PCDHA10: variants seen among roughly 807,000 people sequenced by gnomAD.
PCDHA10 encodes protocadherin alpha-10.
In PCDHA10, 45 loss-of-function variants were observed where a neutral mutation model predicts 61.2. The observed-to-expected ratio is 0.74, with a 90% confidence interval of 0.58 to 0.94. The LOEUF (loss-of-function observed/expected upper bound fraction) is 0.94, where lower values mean the gene tolerates loss of function less well. Ranked by LOEUF, PCDHA10 falls within the 40% of genes least tolerant of loss-of-function variation. The probability of loss-of-function intolerance (pLI) is 0.00; values close to 1 mark genes in which losing one functional copy is unlikely to be tolerated. For missense variants in PCDHA10, 1,278 were observed against 1,236.2 expected, an observed-to-expected ratio of 1.03 and a Z score of -0.51; for synonymous variants, 602 against 548.8, an observed-to-expected ratio of 1.10 and a Z score of -1.35.
intron 1 of PCDHA10, among the ~76,000 whole-genome samples, chr5:140,920,983 T>C (rs1472212249): frequency 6.6e-6 from 1 of 152,106 alleles, no homozygotes; most frequent in Non-Finnish European, 1.5e-5. Context: ...AATATTGTAT[T>C]TGCTTATTTT....
In PCDHA10 at chr5:141,009,947, A is replaced by G; in HGVS notation, c.*10A>G. On this transcript the variant is annotated 3_prime_UTR_variant, in exon 4 of 4. Coordinates refer to ENST00000307360, the MANE Select transcript of PCDHA10 (RefSeq NM_018901.4). ...CAACAGTGACCAGTGAGGTCCTCAAATGGAAACAAGCCACTTAGCCAGTTT... is the reference window on the plus strand; with the variant it reads ...CAACAGTGACCAGTGAGGTCCTCAAGTGGAAACAAGCCACTTAGCCAGTTT... The G allele has an allele frequency of 1.9e-6, 3 of 1,596,272 alleles. No individual in the cohort carries two copies. The South Asian group carries it at 3.4e-5, about 18-fold the overall frequency.
chr5:140,980,504 C>G (rs1440940887), intron 2 of PCDHA10, among the ~76,000 whole-genome samples: 4 of 152,122 alleles, frequency 2.6e-5, no homozygotes, highest in Non-Finnish European at 5.9e-5. Flanking sequence ...ATGGCATGTG[C>G]CTGTAGTTCC....
chr5:140,915,324 T>G (rs782080439), intron 1 of PCDHA10, among the ~76,000 whole-genome samples: 1 of 152,210 alleles, frequency 6.6e-6, no homozygotes, highest in Non-Finnish European at 1.5e-5. Flanking sequence ...ATTACAGTGT[T>G]ATAATATTCT....
intron 1 of PCDHA10, chr5:140,875,402 C>A: frequency 6.7e-7 from 1 of 1,488,874 alleles, no homozygotes; most frequent in Admixed American, 2.6e-5. Flanking sequence ...AGGGTGACTG[C>A]TCATAAAATA....
chr5:140,911,953 G>T (rs1554195050), intron 1 of PCDHA10, among the ~76,000 whole-genome samples: 1 of 152,094 alleles, frequency 6.6e-6, no homozygotes, highest in Non-Finnish European at 1.5e-5. Context: ...TAAAGGGGAG[G>T]TTACTAAGGA....
intron 1 of PCDHA10, among the ~76,000 whole-genome samples, chr5:140,909,217 C>T (rs2074379679): frequency 6.6e-6 from 1 of 152,106 alleles, no homozygotes; most frequent in Non-Finnish European, 1.5e-5. Context: ...GTTGATATAC[C>T]CCTGAGGTAG....
At chr5:140,952,389 ACT>A (rs2094739055) in intron 1 of PCDHA10, among the ~76,000 whole-genome samples, 2 of 151,722 alleles carry the variant, frequency 1.3e-5, no homozygotes, top group African/African-American at 4.8e-5. Flanking sequence ...GGTACCCTAA[ACT>A]CATCATTCTC....
intron 1 of PCDHA10, among the ~76,000 whole-genome samples, chr5:140,881,717 G>A (rs374516377): frequency 2.6e-5 from 4 of 152,160 alleles, no homozygotes; most frequent in African/African-American, 9.7e-5. Flanking sequence ...GTGTGAGGAG[G>A]TCTTGAAAAA....
chr5:140,941,255 C>CTTTCTTTCTTTCTTTCTTTCTT (rs782490896), intron 1 of PCDHA10, among the ~76,000 whole-genome samples: 2 of 44,508 alleles, frequency 4.5e-5, no homozygotes, highest in African/African-American at 1.4e-4. Context: ...TTCTTTCTTT[C>CTTTCTTTCTTTCTTTCTTTCTT]TCTTTCTTTC....
intron 1 of PCDHA10, chr5:140,877,799 T>C: frequency 1.2e-6 from 2 of 1,613,438 alleles, no homozygotes; most frequent in Non-Finnish European, 1.7e-6. Context: ...AGCCCAAGCC[T>C]TCAGCTGTCT....
intron 1 of PCDHA10, among the ~76,000 whole-genome samples, chr5:140,899,774 C>T (rs966615256): frequency 3.9e-5 from 6 of 152,122 alleles, no homozygotes; most frequent in African/African-American, 1.4e-4. Context: ...CCTCCTTTTA[C>T]CTCTGGTATA....
chr5:140,928,801 G>C, intron 1 of PCDHA10: 1 of 1,614,184 alleles, frequency 6.2e-7, no homozygotes, highest in Non-Finnish European at 8.5e-7. Context: ...GGTGGTGGTA[G>C]TGGTTCGGGA....
chr5:140,972,660 ATTTTTTTTT>A (rs11350929), intron 1 of PCDHA10, among the ~76,000 whole-genome samples: 1 of 117,268 alleles, frequency 8.5e-6, no homozygotes, highest in Non-Finnish European at 1.7e-5. Flanking sequence ...AAGAAACCAA[ATTTTTTTTT>A]TTTTTTTTTT....
chr5:140,882,116 GTTTC>G (rs1420968771), intron 1 of PCDHA10: 4 of 1,427,956 alleles, frequency 2.8e-6, no homozygotes, highest in South Asian at 1.4e-5. Flanking sequence ...GAAAGCCGCC[GTTTC>G]TTTCTTCCTG....
Position 140,941,319 on chromosome 5 carries a change from C to CT in PCDHA10, c.2389-37615dup, listed in dbSNP as rs70988781. On this transcript the variant is annotated intron_variant, in intron 1 of 3. Transcript: ENST00000307360. Reference sequence around the variant, plus strand: ...TTCTTTCTTTCTTTTTCTTCTTTCTCTTTTTTTTTTTTTTTCAGATGGAGT... The same window carrying CT: ...TTCTTTCTTTCTTTTTCTTCTTTCTCTTTTTTTTTTTTTTTTCAGATGGAGT... Among the ~76,000 whole-genome samples the CT allele has an allele frequency of 1.3e-3, 140 of 104,384 alleles. 3 individuals are homozygous for CT. The highest frequency in any genetic ancestry group is 2.9e-3 in the South Asian group (9 of 3,126). The allele number at this position is 104,384 out of a possible 152,430, so 68.5% of individuals were successfully genotyped here.
intron 3 of PCDHA10, among the ~76,000 whole-genome samples, chr5:140,995,774 G>A (rs2097697505): frequency 1.3e-5 from 2 of 151,968 alleles, no homozygotes; most frequent in Admixed American, 1.3e-4. Context: ...GAGAGTGAAG[G>A]GCAGGTTTAA....
In PCDHA10 at chr5:141,007,395, CAAAAAAAAA is replaced by C. The variant is rs35800918; in HGVS notation, c.2537-2217_2537-2209del. 1.6e-4 allele frequency among the ~76,000 whole-genome samples: 15 copies of C among 94,844 alleles called. No individual in the cohort carries two copies. The East Asian group carries it at 2.4e-3, about 15-fold the overall frequency. The allele number at this position is 94,844 out of a possible 152,430, so 62.2% of individuals were successfully genotyped here. A position where few individuals can be genotyped will look rare whatever the true frequency, so the allele number is the denominator to read the frequency against. On this transcript the variant is annotated intron_variant, in intron 3 of 3. Transcript: ENST00000307360. The stretch of plus-strand genomic sequence containing the variant: ...ATGGAACACCATCTCTACTAAAATA[CAAAAAAAAA>C]AAAAAAAAAAAAAATTAGCCAGGCA...
chr5:140,971,182 G>A (rs1158073557), intron 1 of PCDHA10, among the ~76,000 whole-genome samples: 7 of 152,110 alleles, frequency 4.6e-5, no homozygotes, highest in Admixed American at 1.3e-4. Flanking sequence ...GCTGTAAGCC[G>A]GAAGCTCAGA....
intron 1 of PCDHA10, chr5:140,884,079 A>T (rs2059982825): frequency 3.1e-6 from 5 of 1,613,504 alleles, no homozygotes; most frequent in Non-Finnish European, 4.2e-6. Context: ...TCGGGCTACA[A>T]TGCGTGGCTT....
Sources: allele counts gnomAD v4.1 joint callset (sites outside exome capture counted in the v4.1 genomes callset), GRCh38; gene constraint gnomAD v4.1.1; transcripts MANE v1.5; gene names NCBI Gene and HGNC (gene_info 2026-07-23, HGNC 2026-07-21).